LRRC4C: variants seen among roughly 807,000 people sequenced by gnomAD.
The protein encoded by LRRC4C is leucine-rich repeat-containing protein 4C.
LRRC4C carries 5 observed loss-of-function variants against 33.6 expected under a neutral mutation model. The ratio of observed to expected loss-of-function variants is 0.15; its 90% CI spans 0.08 to 0.31. The LOEUF (loss-of-function observed/expected upper bound fraction) is 0.31. Among genes scored for constraint, LRRC4C ranks in the 10% least tolerant of loss-of-function variants. The pLI is 1.00. For missense variants in LRRC4C, 560 were observed against 796.7 expected (o/e 0.70, Z 3.58); for synonymous variants, 329 against 302.0 (o/e 1.09, Z -0.93).
intron 4 of LRRC4C, among the ~76,000 whole-genome samples, chr11:40,296,547 A>T (rs1286663039): frequency 9.2e-5 from 14 of 152,170 alleles, no homozygotes; most frequent in African/African-American, 3.4e-4. Context: ...CTGTATATCA[A>T]TTATCAGCAT....
At chr11:41,301,387 G>T (rs1950283685) in intron 1 of LRRC4C, among the ~76,000 whole-genome samples, 1 of 152,122 alleles carries the variant, frequency 6.6e-6, no homozygotes, top group Non-Finnish European at 1.5e-5. Flanking sequence ...AAGCTTTGTT[G>T]TCAAATTGAT....
intron 2 of LRRC4C, among the ~76,000 whole-genome samples, chr11:40,867,368 A>C (rs1380069385): frequency 6.6e-6 from 1 of 152,184 alleles, no homozygotes; most frequent in East Asian, 1.9e-4. Context: ...GCCCTACCAG[A>C]TATCATTTTC....
intron 1 of LRRC4C, among the ~76,000 whole-genome samples, chr11:41,344,871 A>G (rs1295745550): frequency 1.3e-5 from 2 of 152,224 alleles, no homozygotes; most frequent in Non-Finnish European, 2.9e-5. Flanking sequence ...GGAAACCAAG[A>G]GCAAGTGGAG....
chr11:40,364,230 A>C (rs867184391), intron 3 of LRRC4C, among the ~76,000 whole-genome samples: 38 of 152,278 alleles, frequency 2.5e-4, no homozygotes, highest in African/African-American at 8.9e-4. Flanking sequence ...AAACTGAAGA[A>C]ATCTAAAACA....
chr11:41,435,211 T>C (rs995704482), intron 1 of LRRC4C, among the ~76,000 whole-genome samples: 1 of 152,178 alleles, frequency 6.6e-6, no homozygotes, highest in Non-Finnish European at 1.5e-5. Flanking sequence ...AAATCTAAGA[T>C]GATATTATTG....
At chr11:40,805,916 G>A (rs1437942873) in intron 2 of LRRC4C, among the ~76,000 whole-genome samples, 2 of 152,146 alleles carry the variant, frequency 1.3e-5, no homozygotes, top group African/African-American at 4.8e-5. Context: ...CTAGGACTCA[G>A]CAGATTTCTT....
chr11:40,126,682 C>G (rs757646973), intron 6 of LRRC4C, among the ~76,000 whole-genome samples: 1 of 151,978 alleles, frequency 6.6e-6, no homozygotes, highest in African/African-American at 2.4e-5. Flanking sequence ...AATTTGGGGA[C>G]GGGCGTGGTG....
At chr11:40,676,313 T>C (rs1944398339) in intron 2 of LRRC4C, among the ~76,000 whole-genome samples, 1 of 152,174 alleles carries the variant, frequency 6.6e-6, no homozygotes, top group Non-Finnish European at 1.5e-5. Flanking sequence ...ACTTGTCCAA[T>C]CCTTGTCTTT....
At chr11:41,307,436 G>T (rs2137150323) in intron 1 of LRRC4C, among the ~76,000 whole-genome samples, 1 of 152,276 alleles carries the variant, frequency 6.6e-6, no homozygotes, top group East Asian at 1.9e-4. Flanking sequence ...AATGAAGCAA[G>T]TCATTAAAGA....
chr11:40,406,851 A>T (rs1329572130), intron 3 of LRRC4C, among the ~76,000 whole-genome samples: 1 of 152,164 alleles, frequency 6.6e-6, no homozygotes, highest in Admixed American at 6.5e-5. Context: ...TAGCAAGGAA[A>T]TATGAAATAC....
intron 3 of LRRC4C, among the ~76,000 whole-genome samples, chr11:40,375,778 A>G (rs1948635095): frequency 1.3e-5 from 2 of 152,222 alleles, no homozygotes; most frequent in Middle Eastern, 3.4e-3. Context: ...GAACTGACCA[A>G]CGCTTGGGAG....
intron 2 of LRRC4C, among the ~76,000 whole-genome samples, chr11:40,700,821 T>C (rs1412611607): frequency 1.3e-5 from 2 of 152,214 alleles, no homozygotes; most frequent in African/African-American, 2.4e-5. Context: ...GTATGATTTC[T>C]GTATTTTAGA....
chr11:40,894,764 A>G (rs2136136126), intron 2 of LRRC4C, among the ~76,000 whole-genome samples: 1 of 152,202 alleles, frequency 6.6e-6, no homozygotes, highest in East Asian at 1.9e-4. Flanking sequence ...CTCTTCACCT[A>G]TCGACAGTCC....
intron 3 of LRRC4C, among the ~76,000 whole-genome samples, chr11:40,335,967 A>G (rs1946579818): frequency 6.6e-6 from 1 of 152,196 alleles, no homozygotes; most frequent in Non-Finnish European, 1.5e-5. Flanking sequence ...CCCGTACCAC[A>G]TAGGGTCATT....
At chr11:41,057,325 G>C (rs1858701638) in intron 1 of LRRC4C, among the ~76,000 whole-genome samples, 1 of 152,180 alleles carries the variant, frequency 6.6e-6, no homozygotes, top group Admixed American at 6.5e-5. Context: ...CCAAACTTTG[G>C]GCACTGATAA....
intron 3 of LRRC4C, among the ~76,000 whole-genome samples, chr11:40,591,813 A>G (rs1959072041): frequency 6.6e-6 from 1 of 152,234 alleles, no homozygotes; most frequent in South Asian, 2.1e-4. Context: ...TTAAGGAAAA[A>G]CAGAACTTTA....
chr11:40,636,661 GTAA>G (rs1307435933), intron 3 of LRRC4C, among the ~76,000 whole-genome samples: 1 of 152,104 alleles, frequency 6.6e-6, no homozygotes, highest in African/African-American at 2.4e-5. Flanking sequence ...TATACAACAT[GTAA>G]CATATAGTAT....
chr11:40,805,168 C>T (rs1282771209), intron 2 of LRRC4C, among the ~76,000 whole-genome samples: 2 of 152,170 alleles, frequency 1.3e-5, no homozygotes, highest in Non-Finnish European at 1.5e-5. Flanking sequence ...AAATTTACAT[C>T]ACCTAACTTA....
At chr11:40,362,968 G>A (rs575479310) in intron 3 of LRRC4C, among the ~76,000 whole-genome samples, 1 of 152,214 alleles carries the variant, frequency 6.6e-6, no homozygotes, top group South Asian at 2.1e-4. Context: ...TGTTGGTGGG[G>A]GTGTAAATTA....
Sources: allele counts gnomAD v4.1 joint callset (sites outside exome capture counted in the v4.1 genomes callset), GRCh38; gene constraint gnomAD v4.1.1; transcripts MANE v1.5; gene names NCBI Gene and HGNC (gene_info 2026-07-23, HGNC 2026-07-21).